MMP16: variants seen among roughly 807,000 people sequenced by gnomAD.
MMP16 encodes the protein matrix metallopeptidase 16, also known as matrix metalloproteinase-16.
MMP16 carries 12 observed loss-of-function variants against 67.8 expected under a neutral mutation model. That is an observed-to-expected ratio of 0.18 (90% CI 0.11 to 0.29). MMP16 has a LOEUF of 0.29. MMP16 is among the 10% of genes least tolerant of loss of function. MMP16 has a pLI of 1.00. For synonymous variants in MMP16, 249 were observed against 255.9 expected (o/e 0.97, Z 0.26); for missense variants, 475 against 765.7 (o/e 0.62, Z 4.48).
In MMP16 at chr8:88,041,470, C is replaced by G. The variant is rs755370022; in HGVS notation, c.1815G>C (p.Glu605Asp). The change falls in exon 10 of 10, where the codon GAG (glutamate) becomes GAC (aspartate). Residue 605 changes from glutamate (E) to aspartate (D), a missense_variant. Around this residue, in one of 5 missense-constraint regions of MMP16, gnomAD observed 80 missense variants for 93.4 expected, o/e 0.86. Transcript: ENST00000286614. This position sits in a 1 kb window ranked among gnomAD's most constrained non-coding sequence, Gnocchi z 6.0. ...AAGAAAAAACCCTACATCACACCCACTCTTGCATAGAGCGTTTACAGTACA... is the reference window on the plus strand; with the variant it reads ...AAGAAAAAACCCTACATCACACCCAGTCTTGCATAGAGCGTTTACAGTACA... ...HILYCKRSMQEWV is the reference protein window; with the variant it reads ...HILYCKRSMQDWV 3 of 1,613,020 alleles carry G rather than the reference C, an allele frequency of 1.9e-6. No individual in the cohort carries two copies. In the Admixed American group the frequency reaches 5.0e-5, roughly 27 times the overall value.
chr8:88,159,783 C>G (rs890035134), intron 4 of MMP16, among the ~76,000 whole-genome samples: 1 of 151,978 alleles, frequency 6.6e-6, no homozygotes, highest in Non-Finnish European at 1.5e-5. Flanking sequence ...ATAAAAAGCT[C>G]TTATTATTTT....
intron 1 of MMP16, among the ~76,000 whole-genome samples, chr8:88,319,688 C>A (rs193215768): frequency 6.6e-6 from 1 of 152,130 alleles, no homozygotes; most frequent in Non-Finnish European, 1.5e-5. Flanking sequence ...ATTCCATTGA[C>A]ATCACATCAG....
chr8:88,157,691 C>T (rs1915011), intron 4 of MMP16, among the ~76,000 whole-genome samples: 67,711 of 151,808 alleles, frequency 0.45, 15,305 homozygotes, highest in East Asian at 0.48. Flanking sequence ...TTTTATTATA[C>T]TTTAAGTTCT....
chr8:88,055,850 C>T (rs753465460), intron 8 of MMP16, among the ~76,000 whole-genome samples: 5 of 151,912 alleles, frequency 3.3e-5, no homozygotes, highest in Non-Finnish European at 7.4e-5. Flanking sequence ...CATATATACA[C>T]TGCTTACATA....
At chr8:88,045,529 C>A (rs1010293563) in intron 9 of MMP16, among the ~76,000 whole-genome samples, 2 of 151,916 alleles carry the variant, frequency 1.3e-5, no homozygotes, top group Admixed American at 6.6e-5. Context: ...TGCCACCATG[C>A]CTTGCTTATT....
At chr8:88,069,628 T>C (rs575004961) in intron 7 of MMP16, 17 of 426,594 alleles carry the variant, frequency 4.0e-5, no homozygotes, top group Admixed American at 7.1e-5. Context: ...TTTAGGTACT[T>C]TAATTCATTG....
chr8:88,055,806 A>T (rs1170326550), intron 8 of MMP16, among the ~76,000 whole-genome samples: 3 of 152,234 alleles, frequency 2.0e-5, no homozygotes, highest in Non-Finnish European at 4.4e-5. Flanking sequence ...AAACAAAGTA[A>T]GTAAAATTCC....
intron 6 of MMP16, among the ~76,000 whole-genome samples, chr8:88,099,847 CATTTTAT>C (rs1367114329): frequency 1.3e-5 from 2 of 151,860 alleles, no homozygotes; most frequent in African/African-American, 2.4e-5. Context: ...CTTTACTTTG[CATTTTAT>C]ATAGGTAGAA....
intron 6 of MMP16, among the ~76,000 whole-genome samples, chr8:88,084,561 G>A (rs1010638424): frequency 8.6e-5 from 13 of 151,928 alleles, no homozygotes; most frequent in African/African-American, 2.9e-4. Context: ...ATTGGATCCC[G>A]TATTTAAAGA....
At chr8:88,236,875 A>G (rs1411056007) in intron 1 of MMP16, among the ~76,000 whole-genome samples, 1 of 149,060 alleles carries the variant, frequency 6.7e-6, no homozygotes, top group Non-Finnish European at 1.5e-5. Context: ...CTCATCAGCT[A>G]CACCTTTCAA....
intron 8 of MMP16, among the ~76,000 whole-genome samples, chr8:88,053,521 C>A (rs1300356982): frequency 6.6e-6 from 1 of 152,022 alleles, no homozygotes; most frequent in Non-Finnish European, 1.5e-5. Context: ...TTGCTCTTAG[C>A]CTTAGAGAAA....
chr8:88,278,547 C>T (rs950458606), intron 1 of MMP16, among the ~76,000 whole-genome samples: 2 of 152,272 alleles, frequency 1.3e-5, no homozygotes, highest in African/African-American at 2.4e-5. Flanking sequence ...AGCAGCTGTA[C>T]ACATGATGTA....
At chr8:88,309,135 T>C (rs1195927203) in intron 1 of MMP16, among the ~76,000 whole-genome samples, 1 of 152,070 alleles carries the variant, frequency 6.6e-6, no homozygotes, top group African/African-American at 2.4e-5. Flanking sequence ...GTAATTCCAC[T>C]TCCAGAAATT....
intron 5 of MMP16, 134 bp downstream of exon 5, chr8:88,118,566 G>C (rs1010263603): frequency 8.2e-6 from 6 of 731,070 alleles, no homozygotes; most frequent in Admixed American, 5.7e-5. Context: ...GAATAATTTT[G>C]CCAGTAGGCC....
chr8:88,285,547 T>C (rs778564518), intron 1 of MMP16, among the ~76,000 whole-genome samples: 5 of 152,186 alleles, frequency 3.3e-5, no homozygotes, highest in Non-Finnish European at 4.4e-5. Flanking sequence ...ACACTCACTA[T>C]AAAAGATGAG....
intron 7 of MMP16, among the ~76,000 whole-genome samples, chr8:88,062,551 G>C (rs956243325): frequency 6.6e-6 from 1 of 151,762 alleles, no homozygotes; most frequent in Non-Finnish European, 1.5e-5. Flanking sequence ...GCAAACTATC[G>C]CAAGGACAAA....
chr8:88,075,526 C>CA (rs1479414273), intron 6 of MMP16, among the ~76,000 whole-genome samples: 2 of 151,468 alleles, frequency 1.3e-5, no homozygotes, highest in Non-Finnish European at 2.9e-5. Context: ...TTACTAAGGG[C>CA]AAAAAAACCC....
intron 4 of MMP16, among the ~76,000 whole-genome samples, chr8:88,153,305 G>T (rs932340892): frequency 6.6e-6 from 1 of 152,112 alleles, no homozygotes; most frequent in African/African-American, 2.4e-5. Flanking sequence ...GTAATTTACA[G>T]ATTCAATGCC....
At chr8:88,325,882 A>G (rs1811528809) in intron 1 of MMP16, among the ~76,000 whole-genome samples, 1 of 152,206 alleles carries the variant, frequency 6.6e-6, no homozygotes, top group Admixed American at 6.5e-5. Flanking sequence ...CTATAAACAC[A>G]GTTATATTCA....
Sources: gnomAD v4.1 joint callset for allele counts (sites outside exome capture counted in the v4.1 genomes callset) on GRCh38, gnomAD v4.1.1 for gene constraint, gnomAD v4.1.1 regional missense constraint, Gnocchi (gnomAD v3.1) non-coding constraint, MANE v1.5 for transcripts, NCBI Gene and HGNC (gene_info 2026-07-23, HGNC 2026-07-21) for gene names.